GRM1: variants seen among roughly 807,000 people sequenced by gnomAD.
The protein encoded by GRM1 is glutamate metabotropic receptor 1, also known as metabotropic glutamate receptor 1.
GRM1 carries 33 observed loss-of-function variants against 90.9 expected under a neutral mutation model. That is an observed-to-expected ratio of 0.36 (90% CI 0.28 to 0.49). The LOEUF (loss-of-function observed/expected upper bound fraction) is 0.49, where lower values mean the gene tolerates loss of function less well. GRM1 is among the 20% of genes least tolerant of loss of function. The pLI is 0.99. For missense variants in GRM1, 1,190 were observed against 1,534.3 expected (o/e 0.78, Z 3.75); for synonymous variants, 700 against 613.2 (o/e 1.14, Z -2.09).
intron 1 of GRM1, among the ~76,000 whole-genome samples, chr6:146,138,679 C>T (rs532571976): frequency 2.0e-5 from 3 of 151,950 alleles, no homozygotes; most frequent in African/African-American, 7.2e-5. Flanking sequence ...GCTTATAGTA[C>T]CTTCTAATGA....
intron 2 of GRM1, among the ~76,000 whole-genome samples, chr6:146,179,525 T>C (rs1778461961): frequency 6.6e-6 from 1 of 152,202 alleles, no homozygotes; most frequent in Admixed American, 6.5e-5. Flanking sequence ...TTGTTTTGTT[T>C]TGTTCTGAGA....
intron 1 of GRM1, among the ~76,000 whole-genome samples, chr6:146,102,933 C>T (rs889221197): frequency 5.3e-5 from 8 of 152,056 alleles, no homozygotes; most frequent in South Asian, 4.1e-4. Context: ...TCAGACTGTG[C>T]GCTTCATTAA....
chr6:146,094,413 C>G (rs988093334), intron 1 of GRM1, among the ~76,000 whole-genome samples: 2 of 152,106 alleles, frequency 1.3e-5, no homozygotes, highest in African/African-American at 2.4e-5. Context: ...AATTCTCTAT[C>G]ATACTTGTAA....
At chr6:146,049,396 CT>C (rs1356214710) in intron 1 of GRM1, among the ~76,000 whole-genome samples, 1 of 151,944 alleles carries the variant, frequency 6.6e-6, no homozygotes, top group Non-Finnish European at 1.5e-5. Flanking sequence ...CCCTTTTCTC[CT>C]TTTCTTACAC....
chr6:146,397,346 T>C (rs528715874), intron 6 of GRM1, among the ~76,000 whole-genome samples: 198 of 151,072 alleles, frequency 1.3e-3, no homozygotes, highest in East Asian at 1.2e-3. Flanking sequence ...TGGTGGCGGG[T>C]GCCTGTAGCC....
At chr6:146,200,579 G>A (rs982752519) in intron 2 of GRM1, among the ~76,000 whole-genome samples, 1 of 152,166 alleles carries the variant, frequency 6.6e-6, no homozygotes, top group Non-Finnish European at 1.5e-5. Flanking sequence ...CAGTAAGTGA[G>A]CCAGCATCCA....
chr6:146,420,536 A>G (rs558648017), intron 7 of GRM1, among the ~76,000 whole-genome samples: 4 of 152,352 alleles, frequency 2.6e-5, no homozygotes, highest in African/African-American at 9.6e-5. Context: ...GTAAGGCAAG[A>G]TAGCACTTTC....
At chr6:146,423,052 C>T (rs1381630513) in intron 7 of GRM1, among the ~76,000 whole-genome samples, 1 of 152,002 alleles carries the variant, frequency 6.6e-6, no homozygotes, top group Admixed American at 6.6e-5. Context: ...GACCTTTGCA[C>T]TTTAAGAAGA....
chr6:146,409,283 T>C (rs945724994), intron 7 of GRM1, among the ~76,000 whole-genome samples: 3 of 152,104 alleles, frequency 2.0e-5, no homozygotes, highest in African/African-American at 7.2e-5. Context: ...GTTCACATGT[T>C]ATTATAGGTC....
rs531529752 is a variant in GRM1, at chr6:146,050,790, T to C, written c.700+20573T>C. On this transcript the variant is annotated intron_variant, in intron 1 of 7. Transcript: ENST00000282753. ...CCCTAGTGTGATTACGGCATATGCC[T>C]ATGAGATTCCTGTTTGTTTGTTCAT... is the stretch of plus-strand genomic sequence containing the variant. 2.6e-5 allele frequency among the ~76,000 whole-genome samples: 4 copies of C among 152,206 alleles called. No homozygotes were observed. In the East Asian group the frequency reaches 7.8e-4, roughly 30 times the overall value.
chr6:146,198,931 A>G (rs564586841), intron 2 of GRM1, among the ~76,000 whole-genome samples: 88 of 152,322 alleles, frequency 5.8e-4, no homozygotes, highest in African/African-American at 2.0e-3. Context: ...CCCTTCAGCC[A>G]TCCAATCCTC....
intron 2 of GRM1, among the ~76,000 whole-genome samples, chr6:146,179,615 G>T (rs1273777896): frequency 6.6e-6 from 1 of 152,136 alleles, no homozygotes; most frequent in Non-Finnish European, 1.5e-5. Flanking sequence ...CCGGGTTCAC[G>T]CCATTCTCCT....
intron 7 of GRM1, among the ~76,000 whole-genome samples, chr6:146,416,278 C>T (rs1267209580): frequency 6.6e-6 from 1 of 151,612 alleles, no homozygotes; most frequent in Non-Finnish European, 1.5e-5. Flanking sequence ...GATTTATGTT[C>T]CATTTTATTT....
At chr6:146,337,496 A>G (rs2115007514) in intron 3 of GRM1, among the ~76,000 whole-genome samples, 1 of 152,320 alleles carries the variant, frequency 6.6e-6, no homozygotes, top group East Asian at 1.9e-4. Flanking sequence ...GAACTAAACT[A>G]TATATGGAAA....
At chr6:146,228,092 A>T (rs571869703) in intron 2 of GRM1, among the ~76,000 whole-genome samples, 1 of 152,202 alleles carries the variant, frequency 6.6e-6, no homozygotes, top group African/African-American at 2.4e-5. Context: ...CAAAGCATTT[A>T]TCAACTGTTG....
chr6:146,061,468 G>C (rs1321046704), intron 1 of GRM1, among the ~76,000 whole-genome samples: 2 of 151,926 alleles, frequency 1.3e-5, no homozygotes, highest in Non-Finnish European at 2.9e-5. Flanking sequence ...TTGACAAATG[G>C]GACCCAATTA....
intron 7 of GRM1, among the ~76,000 whole-genome samples, chr6:146,409,940 C>A (rs754297055): frequency 5.3e-5 from 8 of 152,180 alleles, no homozygotes; most frequent in African/African-American, 7.2e-5. Context: ...GTAGGAAATA[C>A]TTTCCTTCCC....
chr6:146,234,578 A>G (rs1780569359), intron 2 of GRM1, among the ~76,000 whole-genome samples: 1 of 152,228 alleles, frequency 6.6e-6, no homozygotes, highest in Non-Finnish European at 1.5e-5. Context: ...CAGTGTAAGG[A>G]CATAATAACA....
intron 1 of GRM1, among the ~76,000 whole-genome samples, chr6:146,080,619 A>G (rs1776333554): frequency 6.6e-6 from 1 of 152,136 alleles, no homozygotes; most frequent in South Asian, 2.1e-4. Context: ...GTCCTCAGGT[A>G]ATTCAGGGGA....
Sources: gnomAD v4.1 joint callset for allele counts (sites outside exome capture counted in the v4.1 genomes callset) on GRCh38, gnomAD v4.1.1 for gene constraint, MANE v1.5 for transcripts, NCBI Gene and HGNC (gene_info 2026-07-23, HGNC 2026-07-21) for gene names.